The following SNX8 variants were observed in gnomAD, a reference collection of about 807,000 sequenced individuals.
SNX8 encodes the protein sorting nexin 8.
SNX8 carries 25 observed loss-of-function variants against 51.6 expected under a neutral mutation model. The ratio of observed to expected loss-of-function variants is 0.48; its 90% CI spans 0.35 to 0.68. SNX8 has a LOEUF of 0.68. Among genes scored for constraint, SNX8 ranks in the 30% least tolerant of loss-of-function variants. The probability of loss-of-function intolerance (pLI) is 0.00; values close to 1 mark genes in which losing one functional copy is unlikely to be tolerated. For missense variants in SNX8, 695 were observed against 624.0 expected (o/e 1.11, Z -1.21); for synonymous variants, 324 against 277.0 (o/e 1.17, Z -1.68).
intron 1 of SNX8, among the ~76,000 whole-genome samples, chr7:2,352,679 A>C (rs924420101): frequency 6.6e-6 from 1 of 151,462 alleles, no homozygotes; most frequent in East Asian, 1.9e-4. Flanking sequence ...AAAAAAATAC[A>C]AAAAAAATCA....
chr7:2,346,788 C>T (rs1175003530), intron 1 of SNX8, among the ~76,000 whole-genome samples: 3 of 146,504 alleles, frequency 2.0e-5, no homozygotes, highest in Non-Finnish European at 3.0e-5. Flanking sequence ...AGTATGGTGG[C>T]TCACACCTGT....
At chr7:2,323,654 A>G (rs772306777) in intron 1 of SNX8, among the ~76,000 whole-genome samples, 23 of 152,190 alleles carry the variant, frequency 1.5e-4, no homozygotes, top group Non-Finnish European at 3.1e-4. Context: ...TTCACAACGC[A>G]TTGGCCAGGA....
intron 1 of SNX8, among the ~76,000 whole-genome samples, chr7:2,313,683 C>A (rs1411912400): frequency 1.3e-5 from 2 of 151,684 alleles, no homozygotes; most frequent in African/African-American, 4.8e-5. Context: ...GACAACATAG[C>A]AAGATCCCAT....
intron 2 of SNX8, among the ~76,000 whole-genome samples, 200 bp downstream of exon 2, chr7:2,277,900 G>A (rs1286147562): frequency 6.6e-6 from 1 of 152,030 alleles, no homozygotes; most frequent in Non-Finnish European, 1.5e-5. Flanking sequence ...GGCTGGGCCA[G>A]AGTGAGGTGC....
chr7:2,307,646 AAAAAAAAAAAAAG>A, intron 1 of SNX8: 1 of 150,648 alleles, frequency 6.6e-6, no homozygotes, highest in Admixed American at 6.6e-5. Context: ...AAAAAAAAAA[AAAAAAAAAAAAAG>A]GTGACAGTGA....
At chr7:2,351,889 TTTG>T (rs1157557696) in intron 1 of SNX8, among the ~76,000 whole-genome samples, 1 of 145,700 alleles carries the variant, frequency 6.9e-6, no homozygotes, top group Non-Finnish European at 1.5e-5. Context: ...CGAGTAAGTT[TTTG>T]TTGTTGTTGT....
intron 7 of SNX8, among the ~76,000 whole-genome samples, chr7:2,261,610 A>C (rs952682215): frequency 5.9e-5 from 9 of 152,136 alleles, no homozygotes; most frequent in Non-Finnish European, 1.2e-4. Context: ...AAAAGCCCCC[A>C]GCCCCACGTT....
chr7:2,264,167 C>T, intron 6 of SNX8, 131 bp downstream of exon 6: 1 of 853,554 alleles, frequency 1.2e-6, no homozygotes, highest in Non-Finnish European at 1.7e-6. Flanking sequence ...GAGCCACTTT[C>T]TGCCCCTTCT....
At chr7:2,288,404 A>G (rs1040238313) in intron 1 of SNX8, 1 of 166,412 alleles carries the variant, frequency 6.0e-6, no homozygotes, top group Non-Finnish European at 1.5e-5. Context: ...ATCTTAGTGA[A>G]TATTTTTATG....
At chr7:2,282,677 T>C (rs756016323) in intron 1 of SNX8, among the ~76,000 whole-genome samples, 2 of 152,140 alleles carry the variant, frequency 1.3e-5, no homozygotes, top group Non-Finnish European at 2.9e-5. Flanking sequence ...ACCGCAGCTT[T>C]AGAAACAAAA....
At chr7:2,259,158 C>T (rs949769140) in intron 7 of SNX8, among the ~76,000 whole-genome samples, 1 of 152,186 alleles carries the variant, frequency 6.6e-6, no homozygotes, top group Non-Finnish European at 1.5e-5. Flanking sequence ...CAGCAGGGGT[C>T]TGGGGAAGGC....
At chr7:2,346,736 T>G (rs1327217666) in intron 1 of SNX8, among the ~76,000 whole-genome samples, 1 of 20,350 alleles carries the variant, frequency 4.9e-5, no homozygotes, top group Non-Finnish European at 1.2e-4. Context: ...GGACTCCGTC[T>G]CAAAAAAAAA....
intron 7 of SNX8, among the ~76,000 whole-genome samples, chr7:2,262,671 A>G (rs1795365169): frequency 6.6e-6 from 1 of 152,208 alleles, no homozygotes; most frequent in Admixed American, 6.5e-5. Flanking sequence ...CTGTCTTCCA[A>G]CCTCAGCAAA....
At chr7:2,351,115 C>T (rs747262312) in intron 1 of SNX8, among the ~76,000 whole-genome samples, 2 of 150,996 alleles carry the variant, frequency 1.3e-5, no homozygotes, top group African/African-American at 2.4e-5. Context: ...GAGACCTTGT[C>T]TCAAAAACAA....
chr7:2,305,347 C>T (rs1796522549), intron 1 of SNX8, among the ~76,000 whole-genome samples: 1 of 152,094 alleles, frequency 6.6e-6, no homozygotes, highest in South Asian at 2.1e-4. Flanking sequence ...GGTTTTCCCC[C>T]AACATTTTGT....
chr7:2,270,311 T>C (rs1795612331), intron 4 of SNX8, among the ~76,000 whole-genome samples: 1 of 6,568 alleles, frequency 1.5e-4, no homozygotes, highest in Non-Finnish European at 5.4e-4. Context: ...AACTCTCATT[T>C]TACAAAAAAA....
At chr7:2,260,073 CAT>C (rs1297654755) in intron 7 of SNX8, among the ~76,000 whole-genome samples, 5 of 151,962 alleles carry the variant, frequency 3.3e-5, no homozygotes, top group Non-Finnish European at 5.9e-5. Flanking sequence ...GTGTAAATCT[CAT>C]AATGTTTTCA....
chr7:2,296,210 C>G lies in SNX8; in HGVS notation c.95-17905G>C, dbSNP rs374997732. Among the ~76,000 whole-genome samples the G allele has an allele frequency of 2.0e-5, 3 of 151,042 alleles. No individual in the cohort carries two copies. In the South Asian group the frequency reaches 6.2e-4, roughly 31 times the overall value. ...TATTGATTCTCCCAATCCCTGAGCA[C>G]GGGATGTTTTTCCATTTGTTTGTGT... On this transcript the variant is annotated intron_variant, in intron 1 of 10. Coordinates refer to ENST00000222990, the MANE Select transcript of SNX8 (RefSeq NM_013321.4).
At chr7:2,351,796 A>T (rs891884712) in intron 1 of SNX8, among the ~76,000 whole-genome samples, 2 of 151,654 alleles carry the variant, frequency 1.3e-5, no homozygotes, top group Non-Finnish European at 2.9e-5. Flanking sequence ...GCACCACTGC[A>T]CTCCAGCCTG....
Sources: gnomAD v4.1 joint callset for allele counts (sites outside exome capture counted in the v4.1 genomes callset) on GRCh38, gnomAD v4.1.1 for gene constraint, MANE v1.5 for transcripts, NCBI Gene and HGNC (gene_info 2026-07-23, HGNC 2026-07-21) for gene names.